Variants in DYSF observed in about 807,000 individuals in gnomAD.
The protein encoded by DYSF is dysferlin.
A neutral mutation model predicts 274.9 loss-of-function variants in DYSF; 212 were observed. That is an observed-to-expected ratio of 0.77 (90% CI 0.69 to 0.86). The LOEUF (loss-of-function observed/expected upper bound fraction) is 0.86. Ranked by LOEUF, DYSF falls within the 40% of genes least tolerant of loss-of-function variation. The pLI is 0.00. For synonymous variants in DYSF, 1,091 were observed against 1,078.7 expected (o/e 1.01, Z -0.22); for missense variants, 2,666 against 2,783.2 (o/e 0.96, Z 0.95).
chr2:71,668,822 C>T lies in DYSF; in HGVS notation c.5526C>T (p.Ile1842=), dbSNP rs375696757. 1.9e-5 allele frequency: 30 copies of T among 1,613,676 alleles called. No homozygotes were observed. Among genetic ancestry groups the T allele is most frequent in the Non-Finnish European group, 2.1e-5 (25 of 1,179,910 alleles). ...ALGRPGPPFN[I]TPRRARRFFL... ...GGCGGCCTGGACCTCCCTTCAACAT[C>T]ACCCCACGGAGAGCCAGAAGGTGAC... Residue 1842 remains isoleucine (I), a synonymous_variant, in exon 49 of 56, where the codon ATC becomes ATT. Transcript: ENST00000410020.
chr2:71,557,035 T>G (rs2091388018), intron 22 of DYSF, among the ~76,000 whole-genome samples: 1 of 152,160 alleles, frequency 6.6e-6, no homozygotes, highest in Non-Finnish European at 1.5e-5. Context: ...CCCAGAGAAA[T>G]GCTCCCGGCC....
At chr2:71,457,948 G>T (rs1051330373) in intron 1 of DYSF, among the ~76,000 whole-genome samples, 2 of 152,168 alleles carry the variant, frequency 1.3e-5, no homozygotes, top group Admixed American at 1.3e-4. Context: ...TGAAAGTTGG[G>T]CGGGGGGCTC....
intron 30 of DYSF, among the ~76,000 whole-genome samples, chr2:71,584,434 C>A (rs933493047): frequency 6.6e-6 from 1 of 152,150 alleles, no homozygotes; most frequent in Non-Finnish European, 1.5e-5. Flanking sequence ...CATTCCATCC[C>A]ACCCCACAGA....
chr2:71,600,654 A>G lies in DYSF; in HGVS notation c.3757-48A>G. ...ACCTGATCTCTCTGAGGCTCCCTAG[A>G]GCCCTGGGTAAGGGATGCTGATTCT... On this transcript the variant is annotated intron_variant, in intron 33 of 55. Transcript: ENST00000410020. 3 of 1,613,376 alleles carry G rather than the reference A, an allele frequency of 1.9e-6. No homozygotes were observed. The East Asian group carries it at 6.7e-5, about 36-fold the overall frequency.
At chr2:71,543,862 G>T (rs537553014) in intron 17 of DYSF, among the ~76,000 whole-genome samples, 1 of 148,434 alleles carries the variant, frequency 6.7e-6, no homozygotes, top group South Asian at 2.1e-4. Context: ...GAAAGAGAGG[G>T]AGAGGGAGAC....
intron 41 of DYSF, among the ~76,000 whole-genome samples, chr2:71,629,810 T>G (rs1046459560): frequency 1.3e-5 from 2 of 152,242 alleles, no homozygotes; most frequent in Non-Finnish European, 2.9e-5. Flanking sequence ...AGGGTTTCTC[T>G]GGTTGTCTAA....
chr2:71,642,482 G>A (rs2094502618), intron 41 of DYSF, among the ~76,000 whole-genome samples: 1 of 152,196 alleles, frequency 6.6e-6, no homozygotes, highest in African/African-American at 2.4e-5. Context: ...ATCAAGGCTT[G>A]GGTCTGCCTT....
chr2:71,507,285 G>A (rs2085581487), intron 4 of DYSF, among the ~76,000 whole-genome samples: 1 of 152,168 alleles, frequency 6.6e-6, no homozygotes, highest in African/African-American at 2.4e-5. Context: ...AAGGTCAGAG[G>A]CCCAAGGGCA....
At chr2:71,664,636 T>C (rs1445929968) in intron 46 of DYSF, among the ~76,000 whole-genome samples, 198 bp downstream of exon 46, 2 of 152,172 alleles carry the variant, frequency 1.3e-5, no homozygotes, top group Non-Finnish European at 2.9e-5. Flanking sequence ...TGTTATTGCT[T>C]GTAAGTGGTG....
In DYSF at chr2:71,612,823, T is replaced by C. The variant is rs763383835; in HGVS notation, c.4387+17T>C. The C allele has an allele frequency of 1.2e-6, 2 of 1,604,292 alleles. No homozygotes were observed. The highest frequency in any genetic ancestry group is 1.7e-5 in the Admixed American group (1 of 59,762). ...GTGGCCCAGGTAGGGGAAGGGGAGA[T>C]GATGGGCAGGTCAGGGAAGGGGGAG... On this transcript the variant is annotated intron_variant, in intron 39 of 55. Transcript: ENST00000410020.
intron 3 of DYSF, among the ~76,000 whole-genome samples, chr2:71,500,244 C>T (rs2084841631): frequency 6.6e-6 from 1 of 152,128 alleles, no homozygotes; most frequent in Non-Finnish European, 1.5e-5. Context: ...TCTTCTGCGC[C>T]CCCCACCTCT....
intron 3 of DYSF, among the ~76,000 whole-genome samples, chr2:71,483,485 G>A (rs13035702): frequency 0.16 from 23,918 of 152,112 alleles, 2,536 homozygotes; most frequent in African/African-American, 0.28. Context: ...GTATTCCAGC[G>A]TGTGGATGTG....
intron 45 of DYSF, among the ~76,000 whole-genome samples, chr2:71,662,668 T>G (rs1488729211): frequency 6.7e-6 from 1 of 150,212 alleles, no homozygotes; most frequent in African/African-American, 2.4e-5. Context: ...TGTGTCCATG[T>G]GTCCGTGTAT....
chr2:71,618,929 T>TCCCA (rs1393918449), intron 40 of DYSF, among the ~76,000 whole-genome samples: 127 of 144,738 alleles, frequency 8.8e-4, no homozygotes, highest in African/African-American at 3.3e-3. Context: ...TCCCAGGCGC[T>TCCCA]GGGGCTGGGG....
chr2:71,459,556 G>T (rs79768528), intron 1 of DYSF, among the ~76,000 whole-genome samples: 26,963 of 152,108 alleles, frequency 0.18, 2,660 homozygotes, highest in East Asian at 0.45. Flanking sequence ...TCTAGGCCCA[G>T]GTGCCACATT....
intron 8 of DYSF, 120 bp downstream of exon 8, chr2:71,515,871 A>G: frequency 1.4e-6 from 2 of 1,443,206 alleles, no homozygotes; most frequent in Non-Finnish European, 1.9e-6. Context: ...TTGGGTGGTG[A>G]GATGTGCTGG....
At chr2:71,503,663 C>T (rs1304283406) in intron 4 of DYSF, among the ~76,000 whole-genome samples, 2 of 152,160 alleles carry the variant, frequency 1.3e-5, no homozygotes, top group Non-Finnish European at 2.9e-5. Flanking sequence ...GCAGACCTCC[C>T]CTCCTCCCTC....
At position 71,568,158 on chromosome 2, in the gene DYSF, TC is replaced by T; in HGVS notation, c.2698-12del. The T allele has an allele frequency of 6.2e-7, 1 of 1,614,230 alleles. No individual in the cohort carries two copies. The highest frequency in any genetic ancestry group is 1.7e-5 in the Admixed American group (1 of 60,028). ...TGGCCCCCTGCTCACGCCTCATTCT[TC>T]CTGGCCCTCCAGTATGAGAACGAGA... On this transcript the variant is annotated splice_polypyrimidine_tract_variant and intron_variant, in intron 25 of 55. Transcript: ENST00000410020.
At chr2:71,643,024 A>G (rs1412140974) in intron 41 of DYSF, among the ~76,000 whole-genome samples, 1 of 152,176 alleles carries the variant, frequency 6.6e-6, no homozygotes, top group Non-Finnish European at 1.5e-5. Flanking sequence ...GATAAGCTCT[A>G]ATGGTACAGA....
Sources: gnomAD v4.1 joint callset for allele counts (sites outside exome capture counted in the v4.1 genomes callset) on GRCh38, gnomAD v4.1.1 for gene constraint, MANE v1.5 for transcripts, NCBI Gene and HGNC (gene_info 2026-07-23, HGNC 2026-07-21) for gene names.